Variants in HELZ observed in about 807,000 individuals in gnomAD.
HELZ encodes the protein ATP-dependent RNA helicase with zinc finger domain.
HELZ carries 23 observed loss-of-function variants against 218.2 expected under a neutral mutation model. The ratio of observed to expected loss-of-function variants is 0.11; its 90% confidence interval spans 0.08 to 0.15. The LOEUF is 0.15. Ranked by LOEUF, HELZ falls within the 10% of genes least tolerant of loss-of-function variation. The pLI, the probability that HELZ is intolerant of heterozygous loss-of-function variation, is 1.00. For synonymous variants in HELZ, 814 were observed against 829.4 expected (o/e 0.98, Z 0.32); for missense variants, 1,813 against 2,353.7 (o/e 0.77, Z 4.75).
At chr17:67,154,304 C>G (rs2038775180) in intron 17 of HELZ, among the ~76,000 whole-genome samples, 2 of 152,128 alleles carry the variant, frequency 1.3e-5, no homozygotes, top group Admixed American at 1.3e-4. Flanking sequence ...GGCAATGCAC[C>G]TGTAGTCCCA....
At position 67,223,185 on chromosome 17, in the gene HELZ, G is replaced by A. The variant is rs933303440; in HGVS notation, c.-18-4363C>T. 4.6e-5 allele frequency among the ~76,000 whole-genome samples: 7 copies of A among 151,288 alleles called. No individual in the cohort carries two copies. The South Asian group carries it at 8.4e-4, about 18-fold the overall frequency. On this transcript the variant is annotated intron_variant, in intron 3 of 32. Transcript: ENST00000358691. ...TGAGGAAGGAGAATGGCATGAACCC[G>A]GGAGGCAGAGCTTGCAGTGAGCCGA...
chr17:67,189,886 GAAAATTAACCACCACCACA>G (rs951919044), intron 10 of HELZ, among the ~76,000 whole-genome samples, 190 bp from the exon 11 acceptor site: 2 of 152,074 alleles, frequency 1.3e-5, no homozygotes, highest in Non-Finnish European at 2.9e-5. Context: ...AGAGAGAAAA[GAAAATTAACCACCACCACA>G]AAAATGGCAC....
At chr17:67,141,707 A>G (rs1438838745) in intron 21 of HELZ, among the ~76,000 whole-genome samples, 3 of 152,032 alleles carry the variant, frequency 2.0e-5, no homozygotes, top group African/African-American at 7.2e-5. Context: ...TAAGCCCTAA[A>G]GAAACCACTA....
At chr17:67,118,476 C>T (rs2037494356) in intron 27 of HELZ, among the ~76,000 whole-genome samples, 1 of 151,394 alleles carries the variant, frequency 6.6e-6, no homozygotes, top group African/African-American at 2.4e-5. Context: ...ACACAACACC[C>T]AAAACATGAT....
chr17:67,215,593 C>T (rs902363955), intron 5 of HELZ, among the ~76,000 whole-genome samples: 1 of 152,096 alleles, frequency 6.6e-6, no homozygotes, highest in South Asian at 2.1e-4. Context: ...GTGATCTGCC[C>T]GCCTCAGCCT....
intron 3 of HELZ, among the ~76,000 whole-genome samples, chr17:67,229,180 A>G (rs2040972508): frequency 6.6e-6 from 1 of 152,154 alleles, no homozygotes; most frequent in Non-Finnish European, 1.5e-5. Flanking sequence ...TAACTCTGAA[A>G]TGCCTATAAA....
rs764214146 is a variant in HELZ at position 67,078,234 on chromosome 17, G to GA, written c.*17dup. 4 of 1,554,750 alleles carry GA rather than the reference G, an allele frequency of 2.6e-6. No homozygotes were observed. The highest frequency in any genetic ancestry group is 1.4e-5 in the African/African-American group (1 of 72,676). ...AACAGAAATTAAAACATTCTCCCTT[G>GA]AGGGAAAAAAAAAGTGATTATTTAA... On this transcript the variant is annotated 3_prime_UTR_variant, in exon 33 of 33. Coordinates refer to ENST00000358691, the MANE Select transcript of HELZ (RefSeq NM_014877.4).
intron 32 of HELZ, among the ~76,000 whole-genome samples, chr17:67,083,862 G>A (rs1022375176): frequency 2.0e-5 from 3 of 152,178 alleles, no homozygotes; most frequent in Non-Finnish European, 4.4e-5. Flanking sequence ...CATTTACTAA[G>A]AGCCTAAAGT....
chr17:67,198,733 C>T (rs1225394908), intron 7 of HELZ, among the ~76,000 whole-genome samples: 1 of 152,090 alleles, frequency 6.6e-6, no homozygotes, highest in Non-Finnish European at 1.5e-5. Flanking sequence ...CAGCTTAGCC[C>T]AATTTTTAAA....
Position 67,190,224 on chromosome 17 carries a change from T to C in HELZ, c.689A>G (p.Gln230Arg). Reference protein sequence around the residue: ...IKLKQQNENKQLSGSYMETLI... With the variant: ...IKLKQQNENKRLSGSYMETLI... ...GGTTTCCATGTAACTGCCTGAGAGC[T>C]GTTTATTCTCATTTTGCTGTTTCAA... is the stretch of plus-strand genomic sequence containing the variant. Residue 230 changes from glutamine to arginine, a missense_variant, in exon 10 of 33, where the codon CAG becomes CGG. This residue lies in a region of HELZ where 714 missense variants were observed against 1,029.2 expected (regional missense o/e 0.69). Transcript: ENST00000358691. The C allele has an allele frequency of 6.2e-7, 1 of 1,614,062 alleles. No individual in the cohort carries two copies. The highest frequency in any genetic ancestry group is 2.2e-5 in the East Asian group (1 of 44,872).
chr17:67,152,391 G>A (rs1011239458), intron 17 of HELZ, among the ~76,000 whole-genome samples: 4 of 152,132 alleles, frequency 2.6e-5, no homozygotes, highest in Non-Finnish European at 2.9e-5. Flanking sequence ...GCAGACAAGA[G>A]CAGATGGTAG....
chr17:67,157,667 A>C (rs956047576), intron 17 of HELZ, among the ~76,000 whole-genome samples: 2 of 152,312 alleles, frequency 1.3e-5, no homozygotes, highest in East Asian at 1.9e-4. Flanking sequence ...ATCCCACACG[A>C]ATTATAAGAG....
chr17:67,131,121 C>CA (rs2037968805), intron 23 of HELZ, among the ~76,000 whole-genome samples: 1 of 152,134 alleles, frequency 6.6e-6, no homozygotes, highest in Admixed American at 6.5e-5. Flanking sequence ...CTCCTGGCCT[C>CA]AAGTAATCCT....
At chr17:67,120,634 T>A (rs757499269) in intron 26 of HELZ, 22 bp from the exon 27 acceptor site, 2 of 1,559,344 alleles carry the variant, frequency 1.3e-6, no homozygotes, top group South Asian at 2.2e-5. Context: ...AAAAATAAAA[T>A]ACATGCATTA....
rs200301754 is a variant in HELZ at position 67,075,859 on chromosome 17, T to A, written c.*2393A>T. On this transcript the variant is annotated 3_prime_UTR_variant, in exon 33 of 33. Transcript: ENST00000358691. ...GCGGTGGGCCAATAAGTAGCTATTA[T>A]TTTTAGTTTTTAGAAATAACTGCTT... 2.0e-5 allele frequency: 3 copies of A among 152,708 alleles called. No homozygotes were observed. In the East Asian group the frequency reaches 5.8e-4, roughly 29 times the overall value. The allele number at this position is 152,708 out of a possible 1,614,324, so 9.5% of individuals were successfully genotyped here. A position where few individuals can be genotyped will look rare whatever the true frequency, so the allele number is the denominator to read the frequency against.
At position 67,107,498 on chromosome 17, in the gene HELZ, T is replaced by C. The variant is rs1168354002; in HGVS notation, c.4912A>G (p.Ser1638Gly). The part of the protein sequence containing the change: ...SSHFSNFNDN[S>G]RDIEVASNPA... The stretch of plus-strand genomic sequence containing the variant: ...TTGCTGGCTACTTCAATGTCTCTGC[T>C]GTTATCATTAAAGTTAGAAAAGTGG... The change falls in exon 31 of 33, where the codon AGC becomes GGC. Residue 1638 changes from serine (S) to glycine (G), a missense_variant. By Grantham distance (56) the Ser-to-Gly change is moderately conservative. This residue lies in a region of HELZ where 938 missense variants were observed against 1,027.5 expected (regional missense o/e 0.91). Coordinates refer to ENST00000358691, the MANE Select transcript of HELZ (RefSeq NM_014877.4). 6.2e-7 allele frequency: 1 copy of C among 1,614,190 alleles called. No homozygotes were observed. The highest frequency in any genetic ancestry group is 8.5e-7 in the Non-Finnish European group (1 of 1,180,020).
In HELZ at chr17:67,128,714, G is replaced by A. The variant is rs199574051; in HGVS notation, c.3324C>T (p.Ile1108=). The A allele has an allele frequency of 7.2e-5, 116 of 1,614,012 alleles. No homozygotes were observed. The highest frequency in any genetic ancestry group is 5.2e-4 in the Admixed American group (31 of 59,994). ...AATGCTGCAGTCTTAGAGCCCGGGG[G>A]ATAAATTCAGGTGCCAGCGGATTCA... ...YVLNPLAPEF[I]PRALRLQHSG... Residue 1108 remains isoleucine, a synonymous_variant, in exon 24 of 33, where the codon ATC becomes ATT. Transcript: ENST00000358691.
intron 22 of HELZ, among the ~76,000 whole-genome samples, chr17:67,137,401 C>T (rs1288703954): frequency 1.3e-5 from 2 of 152,178 alleles, no homozygotes; most frequent in East Asian, 3.8e-4. Context: ...TTTGCCCATG[C>T]TCTTACTGCT....
At chr17:67,118,717 G>GAAAAAAA (rs2037505980) in intron 27 of HELZ, among the ~76,000 whole-genome samples, 1 of 91,278 alleles carries the variant, frequency 1.1e-5, no homozygotes, top group Non-Finnish European at 2.3e-5. Flanking sequence ...AAAAAAAAAG[G>GAAAAAAA]CAAGCCATAT....
Sources: gnomAD v4.1 joint callset for allele counts (sites outside exome capture counted in the v4.1 genomes callset) on GRCh38, gnomAD v4.1.1 for gene constraint, gnomAD v4.1.1 regional missense constraint, MANE v1.5 for transcripts, NCBI Gene and HGNC (gene_info 2026-07-23, HGNC 2026-07-21) for gene names.